The following IGF2BP2 variants were observed in gnomAD, a reference collection of about 807,000 sequenced individuals.
IGF2BP2 encodes insulin-like growth factor 2 mRNA-binding protein 2.
In IGF2BP2, 17 loss-of-function variants were observed where a neutral mutation model predicts 75.8. That is an observed-to-expected ratio of 0.22 (90% CI 0.15 to 0.34). The LOEUF (loss-of-function observed/expected upper bound fraction) is 0.34. Among genes scored for constraint, IGF2BP2 ranks in the 10% least tolerant of loss-of-function variants. The probability of loss-of-function intolerance (pLI) is 1.00; values close to 1 mark genes in which losing one functional copy is unlikely to be tolerated. For synonymous variants in IGF2BP2, 288 were observed against 295.6 expected (o/e 0.97, Z 0.26); for missense variants, 516 against 772.4 (o/e 0.67, Z 3.93).
intron 2 of IGF2BP2, among the ~76,000 whole-genome samples, chr3:185,741,094 C>T (rs1729493438): frequency 6.6e-6 from 1 of 152,060 alleles, no homozygotes. Context: ...CAGGATGTCT[C>T]GATCTCCTGA....
At chr3:185,819,201 G>A (rs1741014179) in intron 2 of IGF2BP2, among the ~76,000 whole-genome samples, 1 of 152,018 alleles carries the variant, frequency 6.6e-6, no homozygotes, top group Non-Finnish European at 1.5e-5. Flanking sequence ...GGAAACACAT[G>A]AAAAGCACCA....
At chr3:185,669,083 A>T (rs1718116999) in intron 10 of IGF2BP2, among the ~76,000 whole-genome samples, 1 of 152,218 alleles carries the variant, frequency 6.6e-6, no homozygotes, top group African/African-American at 2.4e-5. Flanking sequence ...ATATATTTTA[A>T]AACATCAGAC....
intron 4 of IGF2BP2, among the ~76,000 whole-genome samples, chr3:185,694,705 T>G (rs969600788): frequency 2.0e-5 from 3 of 152,218 alleles, no homozygotes; most frequent in African/African-American, 7.2e-5. Context: ...CGTAGCATTG[T>G]CCTCAGTTTA....
At chr3:185,689,138 A>T in intron 6 of IGF2BP2, 1 of 570,616 alleles carries the variant, frequency 1.8e-6, no homozygotes, top group Non-Finnish European at 3.1e-6. Flanking sequence ...GGTTATCAGT[A>T]CCCTCTTTAT....
At chr3:185,680,673 G>A (rs1352848975) in intron 7 of IGF2BP2, among the ~76,000 whole-genome samples, 1 of 152,228 alleles carries the variant, frequency 6.6e-6, no homozygotes, top group African/African-American at 2.4e-5. Flanking sequence ...GCTGGGCGCA[G>A]TGGCTTATGC....
intron 3 of IGF2BP2, among the ~76,000 whole-genome samples, 191 bp from the exon 4 acceptor site, chr3:185,696,854 C>T (rs1394982982): frequency 6.6e-6 from 1 of 152,198 alleles, no homozygotes. Context: ...CCTACATTGG[C>T]TTATTGGCTC....
At chr3:185,712,491 G>A (rs1287967542) in intron 2 of IGF2BP2, 1 of 152,168 alleles carries the variant, frequency 6.6e-6, no homozygotes, top group African/African-American at 2.4e-5. Flanking sequence ...GAAGCAGAGT[G>A]AGAGATATGC....
chr3:185,776,019 T>A (rs926278324), intron 2 of IGF2BP2, among the ~76,000 whole-genome samples: 3 of 152,148 alleles, frequency 2.0e-5, no homozygotes, highest in African/African-American at 7.2e-5. Context: ...CAAGGCGGGA[T>A]AATCACTTGA....
chr3:185,711,484 G>A (rs1390915973), intron 2 of IGF2BP2, among the ~76,000 whole-genome samples: 1 of 152,172 alleles, frequency 6.6e-6, no homozygotes, highest in African/African-American at 2.4e-5. Flanking sequence ...CAAAGACAAT[G>A]AACAGCATCT....
intron 14 of IGF2BP2, among the ~76,000 whole-genome samples, chr3:185,649,063 G>A (rs556834931): frequency 6.6e-6 from 1 of 152,024 alleles, no homozygotes; most frequent in African/African-American, 2.4e-5. Context: ...GGGTATAAAG[G>A]GGGCAGAAGA....
In IGF2BP2 at chr3:185,712,882, C is replaced by T. The variant is rs573758809; in HGVS notation, c.240-14535G>A. ...AATGGGTTTGTGACTCTACTTGTGT[C>T]ATGACCCTACAGCCTCCATTTACCC... On this transcript the variant is annotated intron_variant, in intron 2 of 15. Coordinates refer to ENST00000382199, the MANE Select transcript of IGF2BP2 (RefSeq NM_006548.6). 3.9e-5 allele frequency among the ~76,000 whole-genome samples: 6 copies of T among 152,324 alleles called. No individual in the cohort carries two copies. The South Asian group carries it at 1.2e-3, about 32-fold the overall frequency.
chr3:185,654,654 C>T (rs1715143681), intron 12 of IGF2BP2, among the ~76,000 whole-genome samples: 1 of 152,210 alleles, frequency 6.6e-6, no homozygotes, highest in Admixed American at 6.5e-5. Flanking sequence ...AATGTCATTC[C>T]ATGCACACAC....
chr3:185,718,609 C>G (rs1726016559), intron 2 of IGF2BP2, among the ~76,000 whole-genome samples: 1 of 141,776 alleles, frequency 7.1e-6, no homozygotes, highest in Non-Finnish European at 1.5e-5. Context: ...CGCTTGAACC[C>G]AGGAGGTGGA....
At chr3:185,727,388 C>T (rs1727497921) in intron 2 of IGF2BP2, among the ~76,000 whole-genome samples, 1 of 152,130 alleles carries the variant, frequency 6.6e-6, no homozygotes, top group South Asian at 2.1e-4. Context: ...TTAGCCTCCT[C>T]ACTTGGGGCA....
At chr3:185,690,625 T>C (rs1347659189) in intron 5 of IGF2BP2, among the ~76,000 whole-genome samples, 3 of 152,214 alleles carry the variant, frequency 2.0e-5, no homozygotes, top group Non-Finnish European at 2.9e-5. Flanking sequence ...ATTGGCATCT[T>C]TGCAACTACA....
At chr3:185,674,926 G>C (rs1000669083) in intron 9 of IGF2BP2, 6 of 159,712 alleles carry the variant, frequency 3.8e-5, no homozygotes, top group African/African-American at 1.4e-4. Context: ...CAACCTCCTG[G>C]GCTCAAGTGC....
chr3:185,699,058 G>A (rs1051228182), intron 2 of IGF2BP2, among the ~76,000 whole-genome samples: 3 of 151,962 alleles, frequency 2.0e-5, no homozygotes, highest in East Asian at 1.9e-4. Flanking sequence ...CAAGTGATCC[G>A]CCTGCCTCGG....
At chr3:185,823,110 G>C in intron 2 of IGF2BP2, 43 bp downstream of exon 2, 1 of 1,362,498 alleles carries the variant, frequency 7.3e-7, no homozygotes, top group Non-Finnish European at 1.0e-6. Context: ...TTACTTATAC[G>C]TAAGGCCAAT....
intron 2 of IGF2BP2, among the ~76,000 whole-genome samples, chr3:185,736,824 A>T (rs984608039): frequency 5.9e-5 from 9 of 152,172 alleles, no homozygotes; most frequent in African/African-American, 1.9e-4. Context: ...TTGTAACAAG[A>T]GTTTTCCTTT....
Sources: allele counts gnomAD v4.1 joint callset (sites outside exome capture counted in the v4.1 genomes callset), GRCh38; gene constraint gnomAD v4.1.1; transcripts MANE v1.5; gene names NCBI Gene and HGNC (gene_info 2026-07-23, HGNC 2026-07-21).